Variants in GRM5 observed in about 807,000 individuals in gnomAD.
GRM5 encodes the protein glutamate metabotropic receptor 5.
In GRM5, 19 loss-of-function variants were observed where a neutral mutation model predicts 83.1. The observed-to-expected ratio is 0.23, with a 90% CI of 0.16 to 0.34. The LOEUF is 0.34. GRM5 is among the 10% of genes least tolerant of loss of function. GRM5 has a pLI of 1.00. For synonymous variants in GRM5, 675 were observed against 633.6 expected, an observed-to-expected ratio of 1.07 and a Z score of -0.98; for missense variants, 1,160 against 1,588.3, an observed-to-expected ratio of 0.73 and a Z score of 4.58.
chr11:88,816,633 C>CA (rs1054433870), intron 3 of GRM5, among the ~76,000 whole-genome samples: 2 of 134,542 alleles, frequency 1.5e-5, no homozygotes, highest in African/African-American at 5.5e-5. Flanking sequence ...AAAATCAAAG[C>CA]AAAAAATCAA....
chr11:88,847,105 T>C (rs79612858), intron 3 of GRM5, among the ~76,000 whole-genome samples: 11,253 of 152,184 alleles, frequency 0.074, 711 homozygotes, highest in African/African-American at 0.18. Context: ...GTAAACTTTT[T>C]CTTACAAACT....
chr11:88,562,524 G>C (rs1211794289), intron 8 of GRM5, among the ~76,000 whole-genome samples: 1 of 152,068 alleles, frequency 6.6e-6, no homozygotes, highest in Non-Finnish European at 1.5e-5. Flanking sequence ...AAAAAGTTCT[G>C]TAAGGTGGCA....
chr11:88,861,444 C>T (rs1944560469), intron 2 of GRM5, among the ~76,000 whole-genome samples: 2 of 143,124 alleles, frequency 1.4e-5, no homozygotes, highest in Non-Finnish European at 3.0e-5. Flanking sequence ...ACAGAATTCT[C>T]TAAATTAAGT....
intron 4 of GRM5, among the ~76,000 whole-genome samples, chr11:88,638,412 ATTGTT>A (rs1939200117): frequency 6.7e-6 from 1 of 149,186 alleles, no homozygotes; most frequent in African/African-American, 2.4e-5. Flanking sequence ...TTGGGGTATA[ATTGTT>A]TTGTTTGTTT....
At position 88,668,199 on chromosome 11, in the gene GRM5, T is replaced by A. The variant is rs1032192546; in HGVS notation, c.912-14796A>T. Reference sequence around the variant, plus strand: ...AATCAGTGGAAGTTTATTTAAAACATCTGCAGAAACTCGCACACACACACA... The same window carrying A: ...AATCAGTGGAAGTTTATTTAAAACAACTGCAGAAACTCGCACACACACACA... On this transcript the variant is annotated intron_variant, in intron 3 of 9. Coordinates refer to ENST00000305447, the MANE Select transcript of GRM5 (RefSeq NM_001143831.3). Among the ~76,000 whole-genome samples the A allele has an allele frequency of 2.2e-4, 30 of 133,560 alleles. 1 individual carries two copies. The South Asian group carries it at 7.7e-3, about 34-fold the overall frequency. 87.6% of individuals were successfully genotyped at this position (133,560 alleles called of 152,430 possible). A position where few individuals can be genotyped will look rare whatever the true frequency, so the allele number is the denominator to read the frequency against.
At chr11:88,796,327 C>A (rs944932948) in intron 3 of GRM5, among the ~76,000 whole-genome samples, 40 of 152,242 alleles carry the variant, frequency 2.6e-4, no homozygotes, top group Admixed American at 2.6e-3. Flanking sequence ...AAAATACTAT[C>A]TTATTTAATA....
chr11:88,600,393 C>T (rs2135224618), intron 5 of GRM5, among the ~76,000 whole-genome samples: 1 of 144,284 alleles, frequency 6.9e-6, no homozygotes, highest in South Asian at 2.3e-4. Flanking sequence ...AAATGTTTTT[C>T]TCAGCACAGT....
At chr11:89,055,209 T>A (rs2135163126) in intron 1 of GRM5, among the ~76,000 whole-genome samples, 1 of 152,352 alleles carries the variant, frequency 6.6e-6, no homozygotes, top group East Asian at 1.9e-4. Flanking sequence ...TCCAATGACC[T>A]GAATTGGAAT....
chr11:88,534,509 T>A (rs1191072636), intron 8 of GRM5, among the ~76,000 whole-genome samples: 3 of 152,210 alleles, frequency 2.0e-5, no homozygotes, highest in Non-Finnish European at 4.4e-5. Context: ...ATTTCTCCCA[T>A]CTGGAATGGC....
intron 3 of GRM5, among the ~76,000 whole-genome samples, chr11:88,744,814 A>G (rs996414567): frequency 2.0e-5 from 3 of 152,174 alleles, no homozygotes; most frequent in South Asian, 2.1e-4. Context: ...ATAATATCCA[A>G]GAACCATTTA....
At chr11:88,725,828 A>G (rs1157805391) in intron 3 of GRM5, among the ~76,000 whole-genome samples, 1 of 152,166 alleles carries the variant, frequency 6.6e-6, no homozygotes, top group African/African-American at 2.4e-5. Context: ...ACAAACAGAA[A>G]GGAATAGCAT....
intron 7 of GRM5, among the ~76,000 whole-genome samples, chr11:88,580,234 C>T (rs1185660154): frequency 6.6e-6 from 1 of 152,070 alleles, no homozygotes; most frequent in Non-Finnish European, 1.5e-5. Context: ...GTCAAGTAGG[C>T]AATGGAATAT....
At chr11:88,911,286 G>A (rs545889250) in intron 2 of GRM5, among the ~76,000 whole-genome samples, 7 of 152,018 alleles carry the variant, frequency 4.6e-5, no homozygotes, top group Non-Finnish European at 7.4e-5. Context: ...CAAGTCCTTC[G>A]CCTACACAGA....
chr11:88,892,238 C>A (rs914600161), intron 2 of GRM5, among the ~76,000 whole-genome samples: 1 of 151,640 alleles, frequency 6.6e-6, no homozygotes, highest in Non-Finnish European at 1.5e-5. Context: ...TGTATGCTTC[C>A]CCCTTTAAAG....
chr11:88,572,586 C>G (rs1451477973), intron 7 of GRM5, among the ~76,000 whole-genome samples: 1 of 152,108 alleles, frequency 6.6e-6, no homozygotes, highest in African/African-American at 2.4e-5. Flanking sequence ...TACTTTCTAA[C>G]ATGAAACAAG....
At chr11:88,550,912 TC>T (rs1942493016) in intron 8 of GRM5, among the ~76,000 whole-genome samples, 1 of 152,186 alleles carries the variant, frequency 6.6e-6, no homozygotes. Flanking sequence ...GAATTTAAAG[TC>T]CAATCCTTTC....
At chr11:88,644,637 C>A (rs1001244722) in intron 4 of GRM5, among the ~76,000 whole-genome samples, 4 of 152,096 alleles carry the variant, frequency 2.6e-5, no homozygotes, top group African/African-American at 4.8e-5. Flanking sequence ...GGCAAAGTAA[C>A]TTTATCCCAA....
chr11:89,059,854 G>C (rs1425022840), intron 1 of GRM5, among the ~76,000 whole-genome samples: 1 of 151,982 alleles, frequency 6.6e-6, no homozygotes, highest in Admixed American at 6.6e-5. Context: ...TGTGTGCCAT[G>C]GTGGTTTTCC....
intron 3 of GRM5, among the ~76,000 whole-genome samples, chr11:88,837,223 T>C (rs1405315292): frequency 6.6e-6 from 1 of 152,156 alleles, no homozygotes; most frequent in Non-Finnish European, 1.5e-5. Flanking sequence ...AGGACAAAAT[T>C]TATTACTGAA....
Sources: gnomAD v4.1 joint callset for allele counts (sites outside exome capture counted in the v4.1 genomes callset) on GRCh38, gnomAD v4.1.1 for gene constraint, MANE v1.5 for transcripts, NCBI Gene and HGNC (gene_info 2026-07-23, HGNC 2026-07-21) for gene names.